Variants in ARAP2 observed in about 807,000 individuals in gnomAD.
ARAP2 encodes ArfGAP with RhoGAP domain, ankyrin repeat and PH domain 2.
Under a neutral mutation model 194.5 loss-of-function variants are expected in ARAP2, and 148 were observed. The ratio of observed to expected loss-of-function variants is 0.76; its 90% CI spans 0.67 to 0.87. The LOEUF is 0.87. ARAP2 is among the 40% of genes least tolerant of loss of function. The pLI is 0.00. For missense variants in ARAP2, 2,128 were observed against 1,989.7 expected (o/e 1.07, Z -1.32); for synonymous variants, 695 against 683.5 (o/e 1.02, Z -0.26).
intron 8 of ARAP2, among the ~76,000 whole-genome samples, chr4:36,015,126 G>A (rs932053832): frequency 6.6e-6 from 1 of 152,086 alleles, no homozygotes; most frequent in Non-Finnish European, 1.5e-5. Flanking sequence ...TGTAAGAGAA[G>A]TTATTCCCTC....
At chr4:36,006,849 T>G (rs1457168207) in intron 10 of ARAP2, 1 of 152,118 alleles carries the variant, frequency 6.6e-6, no homozygotes, top group Non-Finnish European at 1.5e-5. Context: ...TGTATAAAAT[T>G]TTCATTAAAA....
chr4:36,196,559 A>G (rs2109930904), intron 6 of ARAP2, among the ~76,000 whole-genome samples: 1 of 152,314 alleles, frequency 6.6e-6, no homozygotes. Flanking sequence ...CAATATTTTT[A>G]AAGATTATTA....
intron 15 of ARAP2, among the ~76,000 whole-genome samples, chr4:36,154,854 C>A (rs1382965008): frequency 6.6e-6 from 1 of 152,166 alleles, no homozygotes; most frequent in African/African-American, 2.4e-5. Context: ...GTGACAACCA[C>A]ACTTTAATCT....
At position 36,166,904 on chromosome 4, in the gene ARAP2, G is replaced by C. The variant is rs150069257; in HGVS notation, c.1973+28C>G. 1.1e-3 allele frequency: 1,569 copies of C among 1,435,362 alleles called. 3 individuals are homozygous for C. Among genetic ancestry groups the C allele is most frequent in the Non-Finnish European group, 1.3e-3 (1,307 of 1,044,690 alleles). The allele number at this position is 1,435,362 out of a possible 1,614,324, so 88.9% of individuals were successfully genotyped here. A position where few individuals can be genotyped will look rare whatever the true frequency, so the allele number is the denominator to read the frequency against. ...CACCCAAGCTTTCCTATAGTAGTACGAACACAAAATGTTTAAAAATAGCTT... is the reference window on the plus strand; with the variant it reads ...CACCCAAGCTTTCCTATAGTAGTACCAACACAAAATGTTTAAAAATAGCTT... On this transcript the variant is annotated intron_variant, in intron 10 of 32. Coordinates refer to ENST00000303965, the MANE Select transcript of ARAP2 (RefSeq NM_015230.4).
intron 3 of ARAP2, among the ~76,000 whole-genome samples, chr4:36,049,050 C>G (rs977643169): frequency 2.0e-5 from 3 of 151,886 alleles, no homozygotes; most frequent in African/African-American, 7.3e-5. Context: ...AAGTGTGATG[C>G]CCCCAGCTTT....
intron 16 of ARAP2, among the ~76,000 whole-genome samples, chr4:36,149,800 T>A (rs998697821): frequency 3.9e-5 from 6 of 152,150 alleles, no homozygotes; most frequent in Non-Finnish European, 8.8e-5. Context: ...AGATTTACTA[T>A]AAAACAAGTC....
At chr4:36,156,510 G>GAGGA (rs56696370) in intron 15 of ARAP2, among the ~76,000 whole-genome samples, 83,162 of 143,652 alleles carry the variant, frequency 0.58, 24,828 homozygotes, top group East Asian at 0.83. Context: ...AGGAAGGAGG[G>GAGGA]AGGAAGGAAG....
intron 21 of ARAP2, among the ~76,000 whole-genome samples, chr4:36,125,769 TG>T (rs1479465393): frequency 6.6e-6 from 1 of 152,160 alleles, no homozygotes; most frequent in South Asian, 2.1e-4. Context: ...CTATGCTACC[TG>T]AAGTGGAAAT....
At chr4:36,134,705 A>G (rs914201526) in intron 19 of ARAP2, among the ~76,000 whole-genome samples, 3 of 148,334 alleles carry the variant, frequency 2.0e-5, no homozygotes, top group Non-Finnish European at 3.0e-5. Flanking sequence ...CCTTTACTTA[A>G]GGTACTCAGG....
Position 36,229,182 on chromosome 4 carries a change from A to G in ARAP2, c.305T>C (p.Ile102Thr). 1.2e-6 allele frequency: 2 copies of G among 1,614,148 alleles called. No individual in the cohort carries two copies. The highest frequency in any genetic ancestry group is 1.7e-6 in the Non-Finnish European group (2 of 1,180,006). ...ACCAGAATTGGAAAGTTCTATGCAG[A>G]TATTCTGATCAGAAGATGGAACATG... ...DYHVPSSDQN[I>T]CIELSNSGSV... Residue 102 changes from isoleucine (I) to threonine (T), a missense_variant, in exon 2 of 33, where the codon ATC becomes ACC. By Grantham distance (89) the Ile-to-Thr change is moderately conservative (BLOSUM62 -1). Coordinates refer to ENST00000303965, the MANE Select transcript of ARAP2 (RefSeq NM_015230.4).
chr4:36,156,628 AGGATGGTGACTGT>A (rs1732615463), intron 15 of ARAP2, among the ~76,000 whole-genome samples: 1 of 152,226 alleles, frequency 6.6e-6, no homozygotes, highest in Non-Finnish European at 1.5e-5. Context: ...CAGGTAGGTC[AGGATGGTGACTGT>A]GGCTGGGAGG....
At chr4:36,042,386 C>A (rs143632866) in intron 5 of ARAP2, among the ~76,000 whole-genome samples, 22 of 152,008 alleles carry the variant, frequency 1.4e-4, no homozygotes, top group Non-Finnish European at 7.4e-5. Context: ...TTCCAAAGGG[C>A]GGAAAGATCA....
intron 20 of ARAP2, 150 bp downstream of exon 20, chr4:36,133,076 T>C (rs1250718572): frequency 2.9e-6 from 2 of 696,968 alleles, no homozygotes; most frequent in African/African-American, 3.7e-5. Context: ...GGAATGGTAA[T>C]TAGCTGAACA....
intron 11 of ARAP2, among the ~76,000 whole-genome samples, chr4:36,163,006 C>T (rs12651095): frequency 0.57 from 86,400 of 151,950 alleles, 25,061 homozygotes; most frequent in East Asian, 0.84. Flanking sequence ...CTGAGGGGAA[C>T]AACGATGGCT....
chr4:36,048,440 C>T (rs1331953933), intron 3 of ARAP2, among the ~76,000 whole-genome samples: 1 of 152,084 alleles, frequency 6.6e-6, no homozygotes, highest in East Asian at 1.9e-4. Context: ...GGTTTAGCTC[C>T]CACTTATAAG....
chr4:36,121,845 C>T lies in ARAP2; in HGVS notation c.3747-519G>A, dbSNP rs73806471. On this transcript the variant is annotated intron_variant, in intron 22 of 32. Transcript: ENST00000303965. Reference sequence around the variant, plus strand: ...TATCTGGGCCCATGTGTCCATACAGCTATTCTAAATAAAATATTATCACAA... The same window carrying T: ...TATCTGGGCCCATGTGTCCATACAGTTATTCTAAATAAAATATTATCACAA... Among the ~76,000 whole-genome samples the T allele has an allele frequency of 5.3e-3, 812 of 151,796 alleles. 10 individuals are homozygous for T. Among genetic ancestry groups the T allele is most frequent in the African/African-American group, 0.018 (766 of 41,500 alleles).
At chr4:36,017,200 ATATT>A (rs777465054) in intron 6 of ARAP2, among the ~76,000 whole-genome samples, 19 of 151,946 alleles carry the variant, frequency 1.3e-4, no homozygotes, top group South Asian at 4.2e-4. Context: ...TGAAAAATGG[ATATT>A]TATTTCTTAT....
At chr4:36,185,508 A>G (rs1740324193) in intron 8 of ARAP2, among the ~76,000 whole-genome samples, 1 of 152,168 alleles carries the variant, frequency 6.6e-6, no homozygotes, top group African/African-American at 2.4e-5. Flanking sequence ...TGAGTACCCC[A>G]AGAAACAATG....
At chr4:36,017,605 C>G (rs1185162445) in intron 6 of ARAP2, among the ~76,000 whole-genome samples, 1 of 118,458 alleles carries the variant, frequency 8.4e-6, no homozygotes, top group Non-Finnish European at 1.6e-5. Context: ...GTGGAATCTT[C>G]CAGGCAGAAG....
Sources: gnomAD v4.1 joint callset for allele counts (sites outside exome capture counted in the v4.1 genomes callset) on GRCh38, gnomAD v4.1.1 for gene constraint, MANE v1.5 for transcripts, NCBI Gene and HGNC (gene_info 2026-07-23, HGNC 2026-07-21) for gene names.